Variants in ZNF318 observed in about 807,000 individuals in gnomAD.
ZNF318 encodes the protein endocrine regulator.
A neutral mutation model predicts 124.2 loss-of-function variants in ZNF318; 51 were observed. The ratio of observed to expected loss-of-function variants is 0.41; its 90% confidence interval spans 0.33 to 0.52. The LOEUF (loss-of-function observed/expected upper bound fraction) is 0.52. Ranked by LOEUF, ZNF318 falls within the 20% of genes least tolerant of loss-of-function variation. The pLI, the probability that ZNF318 is intolerant of heterozygous loss-of-function variation, is 0.23. For synonymous variants in ZNF318, 1,090 were observed against 1,040.7 expected (o/e 1.05, Z -0.91); for missense variants, 2,815 against 2,811.2 (o/e 1.00, Z -0.03).
Position 43,340,428 on chromosome 6 carries a change from T to C in ZNF318, c.3570A>G (p.Leu1190=), listed in dbSNP as rs760155528. 3.4e-5 allele frequency: 55 copies of C among 1,613,996 alleles called. No homozygotes were observed. In the East Asian group the frequency reaches 1.1e-3, roughly 33 times the overall value. The change falls in exon 10 of 10, where the codon CTA becomes CTG. Residue 1190 remains leucine (L), a synonymous_variant. Coordinates refer to ENST00000361428, the MANE Select transcript of ZNF318 (RefSeq NM_014345.3). ...CACTCTGCCGTCGCCGTTCTGTCTC[T>C]AGGACCACAGCCAAGCCAGCTTGGC... ...LDRQAGLAVV[L]ETERRRQSEL...
intron 1 of ZNF318, among the ~76,000 whole-genome samples, chr6:43,366,045 G>C (rs1197241920): frequency 2.7e-5 from 4 of 148,956 alleles, no homozygotes; most frequent in African/African-American, 9.9e-5. Context: ...CAAGTTTAAA[G>C]AAAAAAAAAA....
intron 1 of ZNF318, among the ~76,000 whole-genome samples, chr6:43,367,828 TAGAG>T: frequency 6.6e-6 from 1 of 152,254 alleles, no homozygotes; most frequent in Admixed American, 6.5e-5. Context: ...ACATACATGT[TAGAG>T]AGCCACTCAA....
chr6:43,348,243 CTAAGT>C (rs1779475734), intron 6 of ZNF318, 76 bp downstream of exon 6: 5 of 1,376,206 alleles, frequency 3.6e-6, no homozygotes, highest in Admixed American at 2.2e-5. Flanking sequence ...GTTTGAAAAC[CTAAGT>C]TAAGAAAATG....
intron 5 of ZNF318, among the ~76,000 whole-genome samples, chr6:43,350,339 C>T (rs529646670): frequency 6.6e-6 from 1 of 152,062 alleles, no homozygotes; most frequent in East Asian, 1.9e-4. Context: ...CACAGGGGGT[C>T]CCATTGGCCA....
At position 43,338,409 on chromosome 6, in the gene ZNF318, T is replaced by A; in HGVS notation, c.5589A>T (p.Thr1863=). 1 of 1,614,206 alleles carries A rather than the reference T, an allele frequency of 6.2e-7. No homozygotes were observed. The highest frequency in any genetic ancestry group is 8.5e-7 in the Non-Finnish European group (1 of 1,180,024). Residue 1863 remains threonine, a synonymous_variant, in exon 10 of 10, where the codon ACA becomes ACT. Transcript: ENST00000361428. ...IKLSPQACSF[T]KAKLDSFLSE... is the part of the protein sequence containing the mutation. ...ATAAAAATGAGTCTAATTTTGCCTT[T>A]GTGAAAGAGCAAGCCTGTGGACTCA...
Position 43,354,849 on chromosome 6 carries a change from T to C in ZNF318, c.2485A>G (p.Thr829Ala). The change falls in exon 4 of 10, where the codon ACT becomes GCT. Residue 829 changes from threonine to alanine, a missense_variant. Around this residue, in one of 4 missense-constraint regions of ZNF318, gnomAD observed 1,377 missense variants for 1,353.5 expected, o/e 1.02. Transcript: ENST00000361428. The part of the protein sequence containing the change: ...HRIMPITKQA[T>A]RSRPNLRVIP... ...ACACGAAGATTGGGACGGCTACGAG[T>C]AGCTTGTTTGGTTATTGGCATTATC... is the stretch of plus-strand genomic sequence containing the variant. 1 of 1,613,928 alleles carries C rather than the reference T, an allele frequency of 6.2e-7. No homozygotes were observed. The highest frequency in any genetic ancestry group is 8.5e-7 in the Non-Finnish European group (1 of 1,179,980).
At chr6:43,367,916 T>G (rs1779782801) in intron 1 of ZNF318, among the ~76,000 whole-genome samples, 2 of 152,128 alleles carry the variant, frequency 1.3e-5, no homozygotes, top group South Asian at 4.1e-4. Context: ...TCCCAGCTAC[T>G]TGGGAGGCTG....
chr6:43,338,085 GCTCTCCCAGGTCTCTGGC>G lies in ZNF318; in HGVS notation c.5895_5912del (p.Arg1965_Glu1970del), dbSNP rs1779314263. The G allele has an allele frequency of 1.2e-6, 2 of 1,614,066 alleles. No homozygotes were observed. The highest frequency in any genetic ancestry group is 1.7e-6 in the Non-Finnish European group (2 of 1,180,020). On this transcript the variant is annotated inframe_deletion, in exon 10 of 10. Transcript: ENST00000361428. Reference sequence around the variant, plus strand: ...GTGCTTCTGTTTTTGGTTTCTCTGGGCTCTCCCAGGTCTCTGGCCTCTTCTTGTTTTCATCCCAAACAG... The same window carrying G: ...GTGCTTCTGTTTTTGGTTTCTCTGGGCTCTTCTTGTTTTCATCCCAAACAG...
At chr6:43,352,547 G>A in intron 4 of ZNF318, 71 bp from the exon 5 acceptor site, 1 of 1,387,780 alleles carries the variant, frequency 7.2e-7, no homozygotes, top group Non-Finnish European at 1.0e-6. Context: ...TCTTCCAGAA[G>A]CCTTCTTCCT....
intron 4 of ZNF318, among the ~76,000 whole-genome samples, chr6:43,353,046 A>C (rs189389316): frequency 1.3e-5 from 2 of 152,376 alleles, no homozygotes; most frequent in East Asian, 3.9e-4. Context: ...GAAAAAAAGC[A>C]AATATGGCTT....
intron 1 of ZNF318, among the ~76,000 whole-genome samples, chr6:43,368,349 T>C (rs1779788626): frequency 6.6e-6 from 1 of 152,134 alleles, no homozygotes; most frequent in African/African-American, 2.4e-5. Flanking sequence ...TTCAAAGACT[T>C]GTGAGGGTTA....
chr6:43,346,812 A>C (rs1779454268), intron 6 of ZNF318, among the ~76,000 whole-genome samples: 1 of 152,170 alleles, frequency 6.6e-6, no homozygotes, highest in Admixed American at 6.5e-5. Flanking sequence ...GGAAAATTGC[A>C]TTTTGAGGTG....
chr6:43,341,976 A>C, intron 8 of ZNF318, 136 bp downstream of exon 8: 1 of 749,988 alleles, frequency 1.3e-6, no homozygotes, highest in Middle Eastern at 2.4e-4. Context: ...TGTTTTGTAC[A>C]CAGAAGGCAT....
Position 43,338,272 on chromosome 6 carries a change from T to C in ZNF318, c.5726A>G (p.Gln1909Arg), listed in dbSNP as rs375467216. The change falls in exon 10 of 10, where the codon CAA (glutamine) becomes CGA (arginine). Residue 1909 changes from glutamine to arginine, a missense_variant. Coordinates refer to ENST00000361428, the MANE Select transcript of ZNF318 (RefSeq NM_014345.3). ...RSAMCLTGSP[Q>R]EQGVSVVSEE... ...ACTAACAACTGAAACTCCTTGCTCT[T>C]GTGGACTACCTGTTAAACACATAGC... 4 of 1,614,036 alleles carry C rather than the reference T, an allele frequency of 2.5e-6. No individual in the cohort carries two copies. The highest frequency in any genetic ancestry group is 3.4e-6 in the Non-Finnish European group (4 of 1,180,022).
At chr6:43,340,961 C>A in intron 8 of ZNF318, 53 bp from the exon 9 acceptor site, 1 of 1,340,472 alleles carries the variant, frequency 7.5e-7, no homozygotes, top group Non-Finnish European at 1.1e-6. Flanking sequence ...CCCAGAATGA[C>A]AGCAACCAAT....
chr6:43,344,618 T>C (rs151308380), intron 6 of ZNF318, among the ~76,000 whole-genome samples: 1 of 152,318 alleles, frequency 6.6e-6, no homozygotes, highest in East Asian at 1.9e-4. Context: ...CTCCTTATCC[T>C]GTTTTCTTTT....
At chr6:43,353,507 T>C (rs1779562530) in intron 4 of ZNF318, among the ~76,000 whole-genome samples, 1 of 152,044 alleles carries the variant, frequency 6.6e-6, no homozygotes, top group African/African-American at 2.4e-5. Context: ...CCTGAGTAGC[T>C]GGGACTACAG....
chr6:43,355,391 A>G lies in ZNF318; in HGVS notation c.1943T>C (p.Val648Ala), dbSNP rs1779590586. Residue 648 changes from valine to alanine, a missense_variant, in exon 4 of 10, where the codon GTT (valine) becomes GCT (alanine). Coordinates refer to ENST00000361428, the MANE Select transcript of ZNF318 (RefSeq NM_014345.3). ...RYFSADHCSS[V>A]DHRFSADRCS... Reference sequence around the variant, plus strand: ...GCGGTCAGCTGAGAAGCGGTGGTCAACTGAGGAACAGTGGTCAGCTGAAAA... The same window carrying G: ...GCGGTCAGCTGAGAAGCGGTGGTCAGCTGAGGAACAGTGGTCAGCTGAAAA... 1 of 1,614,022 alleles carries G rather than the reference A, an allele frequency of 6.2e-7. No individual in the cohort carries two copies. The highest frequency in any genetic ancestry group is 8.5e-7 in the Non-Finnish European group (1 of 1,179,986).
At position 43,354,864 on chromosome 6, in the gene ZNF318, T is replaced by A; in HGVS notation, c.2470A>T (p.Ile824Leu). The change falls in exon 4 of 10, where the codon ATA (isoleucine) becomes TTA (leucine). Residue 824 changes from isoleucine (I) to leucine (L), a missense_variant. Physicochemically the swap from Ile to Leu is conservative, Grantham distance 5. Transcript: ENST00000361428. ...PVPEPHRIMP[I>L]TKQATRSRPN... is the part of the protein sequence containing the mutation. The stretch of plus-strand genomic sequence containing the variant: ...CGGCTACGAGTAGCTTGTTTGGTTA[T>A]TGGCATTATCCTGTGTGGTTCAGGT... 6.2e-7 allele frequency: 1 copy of A among 1,614,216 alleles called. No individual in the cohort carries two copies. Among genetic ancestry groups the A allele is most frequent in the African/African-American group, 1.3e-5 (1 of 75,058 alleles).
Sources: allele counts gnomAD v4.1 joint callset (sites outside exome capture counted in the v4.1 genomes callset), GRCh38; gene constraint gnomAD v4.1.1; regional missense constraint gnomAD v4.1.1; transcripts MANE v1.5; gene names NCBI Gene and HGNC (gene_info 2026-07-23, HGNC 2026-07-21).